Variants in MTFR1 observed in about 807,000 individuals in gnomAD.
MTFR1 encodes chondrocyte protein with a poly-proline region.
Under a neutral mutation model 38.8 loss-of-function variants are expected in MTFR1, and 28 were observed. The ratio of observed to expected loss-of-function variants is 0.72; its 90% CI spans 0.53 to 0.99. The LOEUF is 0.99. MTFR1 is among the 50% of genes least tolerant of loss of function. The pLI is 0.00. For synonymous variants in MTFR1, 145 were observed against 137.0 expected, an observed-to-expected ratio of 1.06 and a Z score of -0.41; for missense variants, 358 against 395.5, an observed-to-expected ratio of 0.91 and a Z score of 0.81.
chr8:65,725,858 T>G (rs1218079807), intron 3 of MTFR1, among the ~76,000 whole-genome samples: 1 of 151,740 alleles, frequency 6.6e-6, no homozygotes, highest in Non-Finnish European at 1.5e-5. Context: ...TTAATCTGTC[T>G]TAATTTTAAG....
At chr8:65,648,085 C>T (rs189192864) in intron 1 of MTFR1, among the ~76,000 whole-genome samples, 6 of 152,228 alleles carry the variant, frequency 3.9e-5, no homozygotes, top group Admixed American at 1.3e-4. Flanking sequence ...GATCTTGGCT[C>T]ACTGCAAGCT....
intron 2 of MTFR1, among the ~76,000 whole-genome samples, chr8:65,671,121 T>C (rs1473556262): frequency 1.3e-5 from 2 of 152,230 alleles, no homozygotes; most frequent in African/African-American, 4.8e-5. Flanking sequence ...CAAATAAAAT[T>C]ATCTTTGTTT....
At chr8:65,715,181 T>C (rs937015920), downstream of MTFR1, among the ~76,000 whole-genome samples, 34 of 152,290 alleles carry the variant, frequency 2.2e-4, no homozygotes, top group African/African-American at 8.2e-4. Context: ...ATCTTTTAAA[T>C]ATTTAACTGT....
intron 2 of MTFR1, chr8:65,718,323 TCTCA>T (rs771424706): frequency 7.2e-5 from 11 of 152,088 alleles, no homozygotes; most frequent in African/African-American, 1.5e-4. Context: ...ACAACATACC[TCTCA>T]CTCACTGCAG....
intron 2 of MTFR1, among the ~76,000 whole-genome samples, chr8:65,675,803 C>A (rs1432929597): frequency 6.6e-6 from 1 of 152,088 alleles, no homozygotes; most frequent in Non-Finnish European, 1.5e-5. Context: ...GGCCTGTTTT[C>A]TCTTTACTGT....
At chr8:65,675,975 A>C (rs1804697953) in intron 2 of MTFR1, among the ~76,000 whole-genome samples, 1 of 152,248 alleles carries the variant, frequency 6.6e-6, no homozygotes, top group Non-Finnish European at 1.5e-5. Flanking sequence ...TATTGGAAGA[A>C]AAGTTACTAT....
chr8:65,751,655 G>A (rs550454206), intron 3 of MTFR1, among the ~76,000 whole-genome samples: 32 of 152,212 alleles, frequency 2.1e-4, no homozygotes, highest in African/African-American at 7.5e-4. Context: ...ACCACACCCA[G>A]CTAATTTTGT....
downstream of MTFR1, among the ~76,000 whole-genome samples, chr8:65,772,914 G>T (rs1336558139): frequency 6.6e-6 from 1 of 152,064 alleles, no homozygotes; most frequent in Non-Finnish European, 1.5e-5. Flanking sequence ...AGGCTGAGGT[G>T]GGAGAATCAC....
chr8:65,661,466 G>C (rs1563435298), intron 1 of MTFR1, among the ~76,000 whole-genome samples: 5 of 151,566 alleles, frequency 3.3e-5, no homozygotes, highest in Non-Finnish European at 1.5e-5. Context: ...GTGAAACCTT[G>C]TCTCTACTAA....
At chr8:65,681,656 C>CTTTTTGTT (rs1456171347) in intron 2 of MTFR1, among the ~76,000 whole-genome samples, 3 of 130,314 alleles carry the variant, frequency 2.3e-5, no homozygotes, top group African/African-American at 8.8e-5. Flanking sequence ...AACACATGTG[C>CTTTTTGTT]TTTTTGTTGT....
rs932330262 is a variant in MTFR1 at position 65,709,934 on chromosome 8, T to C, written c.*890T>C. 7 of 152,610 alleles carry C rather than the reference T, an allele frequency of 4.6e-5. No individual in the cohort carries two copies. Among genetic ancestry groups the C allele is most frequent in the African/African-American group, 1.7e-4 (7 of 41,464 alleles). The allele number at this position is 152,610 out of a possible 1,614,324, so 9.5% of individuals were successfully genotyped here. ...CCAAAATATTAACTTTAATGAAACATTGACTTGGCAAATGAATTTCCTATA... is the reference window on the plus strand; with the variant it reads ...CCAAAATATTAACTTTAATGAAACACTGACTTGGCAAATGAATTTCCTATA... On this transcript the variant is annotated 3_prime_UTR_variant, in exon 8 of 8. Coordinates refer to ENST00000262146, the MANE Select transcript of MTFR1 (RefSeq NM_014637.4).
Position 65,752,326 on chromosome 8 carries a change from T to G in MTFR1, c.*49-18621T>G, listed in dbSNP as rs13250218. Reference sequence around the variant, plus strand: ...GTTATCTATTTGCTTGTGTTCATACTCTAGTAGTATCCTTAAGTGCTCATG... The same window carrying G: ...GTTATCTATTTGCTTGTGTTCATACGCTAGTAGTATCCTTAAGTGCTCATG... On this transcript the variant is annotated intron_variant, in intron 3 of 3. Coordinates refer to the MTFR1 transcript ENST00000521247. Among the ~76,000 whole-genome samples the G allele has an allele frequency of 2.9e-3, 448 of 152,350 alleles. 2 individuals carry two copies. Among genetic ancestry groups the G allele is most frequent in the Non-Finnish European group, 4.5e-3 (304 of 68,034 alleles).
intron 3 of MTFR1, among the ~76,000 whole-genome samples, chr8:65,759,324 A>ATT (rs1169560756): frequency 1.8e-4 from 27 of 152,048 alleles, no homozygotes; most frequent in African/African-American, 6.0e-4. Flanking sequence ...ACTGGGGGAA[A>ATT]CCCCTGAGGC....
At chr8:65,662,826 G>T (rs1809479537) in intron 1 of MTFR1, among the ~76,000 whole-genome samples, 1 of 150,376 alleles carries the variant, frequency 6.6e-6, no homozygotes, top group South Asian at 2.1e-4. Flanking sequence ...TCAGCCCCCC[G>T]CCCGGCCATC....
intron 3 of MTFR1, among the ~76,000 whole-genome samples, chr8:65,740,646 C>T (rs1264610077): frequency 1.3e-5 from 2 of 152,114 alleles, no homozygotes; most frequent in East Asian, 1.9e-4. Flanking sequence ...GTGATCCGCC[C>T]GCCTCGGCCT....
chr8:65,777,307 G>A, the MTFR1 span, among the ~76,000 whole-genome samples: 6 of 151,986 alleles, frequency 3.9e-5, no homozygotes, highest in South Asian at 4.2e-4. Flanking sequence ...TCGAACTCCC[G>A]ACCTCAGATG....
chr8:65,745,574 A>C, intron 3 of MTFR1: 1 of 654,044 alleles, frequency 1.5e-6, no homozygotes, highest in Non-Finnish European at 2.7e-6. Flanking sequence ...TGATTGATTT[A>C]CTTTAAAAAA....
At chr8:65,741,046 A>G (rs1190553968) in intron 3 of MTFR1, among the ~76,000 whole-genome samples, 1 of 152,196 alleles carries the variant, frequency 6.6e-6, no homozygotes, top group Non-Finnish European at 1.5e-5. Context: ...AAATTTGGAA[A>G]AACTACCATT....
chr8:65,670,893 A>G (rs2129051333), intron 2 of MTFR1, among the ~76,000 whole-genome samples: 1 of 152,148 alleles, frequency 6.6e-6, no homozygotes, highest in East Asian at 1.9e-4. Context: ...TTTAGTAGAG[A>G]TGGGGTTCCA....
Sources: allele counts gnomAD v4.1 joint callset (sites outside exome capture counted in the v4.1 genomes callset), GRCh38; gene constraint gnomAD v4.1.1; transcripts MANE v1.5; gene names NCBI Gene and HGNC (gene_info 2026-07-23, HGNC 2026-07-21).